Variants in FBN3 observed in about 807,000 individuals in gnomAD.
FBN3 encodes the protein fibrillin-3.
FBN3 carries 234 observed loss-of-function variants against 330.1 expected under a neutral mutation model. The ratio of observed to expected loss-of-function variants is 0.71; its 90% CI spans 0.64 to 0.79. The LOEUF is 0.79. FBN3 is among the 30% of genes least tolerant of loss of function. The probability of loss-of-function intolerance (pLI) is 0.00; values close to 1 mark genes in which losing one functional copy is unlikely to be tolerated. For missense variants in FBN3, 3,606 were observed against 3,886.9 expected, an observed-to-expected ratio of 0.93 and a Z score of 1.92; for synonymous variants, 1,458 against 1,517.3, an observed-to-expected ratio of 0.96 and a Z score of 0.91.
At chr19:8,124,180 G>A (rs1309128209) in intron 22 of FBN3, among the ~76,000 whole-genome samples, 172 bp from the exon 23 acceptor site, 1 of 152,184 alleles carries the variant, frequency 6.6e-6, no homozygotes, top group Non-Finnish European at 1.5e-5. Context: ...GGTACTATGT[G>A]TACTGTTCTG....
chr19:8,134,233 C>T (rs1471990969), intron 13 of FBN3, among the ~76,000 whole-genome samples: 1 of 141,232 alleles, frequency 7.1e-6, no homozygotes, highest in Non-Finnish European at 1.5e-5. Context: ...CAGAGTGAGA[C>T]TCCATCTCAA....
chr19:8,084,566 A>G (rs1231616390), intron 56 of FBN3, among the ~76,000 whole-genome samples: 1 of 151,886 alleles, frequency 6.6e-6, no homozygotes, highest in East Asian at 1.9e-4. Context: ...GGGTCTGTTA[A>G]GGCCCTCTTG....
rs1599257002 is a variant in FBN3 at position 8,071,946 on chromosome 19, C to T, written c.8088+102G>A. 3.5e-5 allele frequency: 42 copies of T among 1,203,190 alleles called. No homozygotes were observed. The South Asian group carries it at 5.9e-4, about 17-fold the overall frequency. The allele number at this position is 1,203,190 out of a possible 1,614,324, so 74.5% of individuals were successfully genotyped here. A position where few individuals can be genotyped will look rare whatever the true frequency, so the allele number is the denominator to read the frequency against. On this transcript the variant is annotated intron_variant, in intron 63 of 63. Transcript: ENST00000600128. ...ACCTGTTGGGATCTGGAGCCTGGTG[C>T]TCCTTCTTGGGGGGGCTGACATGAC...
intron 33 of FBN3, 43 bp downstream of exon 33, chr19:8,111,015 G>T (rs368667219): frequency 2.9e-5 from 46 of 1,613,832 alleles, no homozygotes; most frequent in East Asian, 1.1e-4. Flanking sequence ...CTGCAGGGGG[G>T]ACCTACCCAC....
At chr19:8,091,656 C>A in intron 47 of FBN3, 66 bp from the exon 48 acceptor site, 2 of 1,573,682 alleles carry the variant, frequency 1.3e-6, no homozygotes, top group African/African-American at 1.3e-5. Context: ...GGAGAGGACT[C>A]AGCTGTGAGA....
intron 61 of FBN3, among the ~76,000 whole-genome samples, chr19:8,073,779 A>G (rs113647357): frequency 0.034 from 5,122 of 152,260 alleles, 132 homozygotes; most frequent in Middle Eastern, 0.065. Context: ...TCCTGGGCTC[A>G]AGGGATCCTC....
chr19:8,138,562 A>G lies in FBN3; in HGVS notation c.868T>C (p.Tyr290His). Residue 290 changes from tyrosine (Y) to histidine (H), a missense_variant and splice_region_variant, in exon 9 of 64, where the codon TAC (tyrosine) becomes CAC (histidine). Transcript: ENST00000600128. ...ACTGAGAAGCAGGCGCCGGCCCGGT[A>G]GTCTGCAAAAGATCAGAGGGTGAGC... ...LSDSSAACED[Y>H]RAGACFSVLF... 2.5e-6 allele frequency: 4 copies of G among 1,605,154 alleles called. No homozygotes were observed. Among genetic ancestry groups the G allele is most frequent in the Non-Finnish European group, 3.4e-6 (4 of 1,177,304 alleles).
At chr19:8,106,329 C>A in intron 37 of FBN3, 96 bp from the exon 38 acceptor site, 2 of 1,325,406 alleles carry the variant, frequency 1.5e-6, no homozygotes, top group South Asian at 1.3e-5. Context: ...AGGGCCCTCT[C>A]GAGGATCCCC....
chr19:8,078,300 A>G (rs2081690947), intron 59 of FBN3, among the ~76,000 whole-genome samples: 1 of 152,178 alleles, frequency 6.6e-6, no homozygotes, highest in South Asian at 2.1e-4. Flanking sequence ...TCATTTACGT[A>G]TCTCTCCAGC....
chr19:8,138,233 C>T lies in FBN3; in HGVS notation c.1109G>A (p.Gly370Asp). ...FPGLLGFGSNGMGPPLGPARL... is the reference protein window; with the variant it reads ...FPGLLGFGSNDMGPPLGPARL... ...CGCTGGCCCAAGAGGGGGACCCATGCCATTGGATCCGAAGCCCAGGAGGCC... is the reference window on the plus strand; with the variant it reads ...CGCTGGCCCAAGAGGGGGACCCATGTCATTGGATCCGAAGCCCAGGAGGCC... The change falls in exon 10 of 64, where the codon GGC becomes GAC. Residue 370 changes from glycine (G) to aspartate (D), a missense_variant. Gly to Asp is a moderately conservative substitution (Grantham distance 94). Transcript: ENST00000600128. 6.2e-7 allele frequency: 1 copy of T among 1,611,792 alleles called. No individual in the cohort carries two copies. Among genetic ancestry groups the T allele is most frequent in the Non-Finnish European group, 8.5e-7 (1 of 1,179,364 alleles).
At chr19:8,079,957 A>T (rs2081736959) in intron 59 of FBN3, among the ~76,000 whole-genome samples, 1 of 151,882 alleles carries the variant, frequency 6.6e-6, no homozygotes. Flanking sequence ...GGAAAGTTCC[A>T]TGATGGAAGA....
At position 8,072,070 on chromosome 19, in the gene FBN3, C is replaced by A; in HGVS notation, c.8066G>T (p.Arg2689Leu). The stretch of plus-strand genomic sequence containing the variant: ...CACCTGGTGGTCCCTGTGGGCACTG[C>A]GTCGTGGCCGGTCCCGAGGGGAGAG... Reference protein sequence around the residue: ...NGLSPRDRPRRSAHRDHQVNL... With the variant: ...NGLSPRDRPRLSAHRDHQVNL... The change falls in exon 63 of 64, where the codon CGC (arginine) becomes CTC (leucine). Residue 2689 changes from arginine to leucine, a missense_variant. Physicochemically the swap from Arg to Leu is moderately radical, Grantham distance 102 (BLOSUM62 -2). Transcript: ENST00000600128. 1 of 1,612,224 alleles carries A rather than the reference C, an allele frequency of 6.2e-7. No individual in the cohort carries two copies. The highest frequency in any genetic ancestry group is 8.5e-7 in the Non-Finnish European group (1 of 1,179,694).
rs540172846 is a variant in FBN3, at chr19:8,142,122, G to C, written c.557C>G (p.Pro186Arg). 32 of 1,609,736 alleles carry C rather than the reference G, an allele frequency of 2.0e-5. 1 individual carries two copies. In the Admixed American group the frequency reaches 5.0e-4, roughly 25 times the overall value. The part of the protein sequence containing the change: ...PQCERDYRTG[P>R]CFGQVGPEGC... ...CTCGGGGCCTACTTGGCCAAAGCAG[G>C]GTCCCGTCCGGTAATCTGCAGGGCA... is the stretch of plus-strand genomic sequence containing the variant. The change falls in exon 7 of 64, where the codon CCC (proline) becomes CGC (arginine). Residue 186 changes from proline to arginine, a missense_variant. Physicochemically the swap from Pro to Arg is moderately radical, Grantham distance 103. Transcript: ENST00000600128.
At chr19:8,110,637 G>T (rs538044513) in intron 34 of FBN3, among the ~76,000 whole-genome samples, 1 of 152,300 alleles carries the variant, frequency 6.6e-6, no homozygotes, top group African/African-American at 2.4e-5. Flanking sequence ...AGCTAGCGTG[G>T]AGGGGCCACT....
At chr19:8,132,680 TG>T (rs1737534945) in intron 14 of FBN3, among the ~76,000 whole-genome samples, 1 of 151,804 alleles carries the variant, frequency 6.6e-6, no homozygotes, top group Non-Finnish European at 1.5e-5. Context: ...TTAGTAGAGA[TG>T]GGGTTTCACC....
In FBN3 at chr19:8,126,471, T is replaced by C. The variant is rs764196044; in HGVS notation, c.2551A>G (p.Ile851Val). 1.2e-6 allele frequency: 2 copies of C among 1,611,846 alleles called. No individual in the cohort carries two copies. Among genetic ancestry groups the C allele is most frequent in the Admixed American group, 3.4e-5 (2 of 59,666 alleles). Reference protein sequence around the residue: ...AWGSPCERCEIDPACARGFAR... With the variant: ...AWGSPCERCEVDPACARGFAR... ...GAGGCCTCAAGGAGGATACTACCGA[T>C]CTCGCAGCGTTCGCAGGGGCTCCCC... The change falls in exon 20 of 64, where the codon ATC (isoleucine) becomes GTC (valine). Residue 851 changes from isoleucine to valine, a missense_variant. Physicochemically the swap from Ile to Val is conservative, Grantham distance 29 (BLOSUM62 3). Transcript: ENST00000600128.
chr19:8,108,280 C>A (rs1192071037), intron 36 of FBN3, 42 bp from the exon 37 acceptor site: 2 of 1,537,162 alleles, frequency 1.3e-6, no homozygotes, highest in African/African-American at 1.4e-5. Context: ...GGTATTGGGG[C>A]AAAGCTTAGG....
At chr19:8,145,058 T>TC (rs1258573307) in intron 5 of FBN3, 86 bp from the exon 6 acceptor site, 1 of 1,169,298 alleles carries the variant, frequency 8.6e-7, no homozygotes, top group Non-Finnish European at 1.2e-6. Flanking sequence ...CACCCAGGAA[T>TC]CCCCAGGATC....
intron 10 of FBN3, among the ~76,000 whole-genome samples, chr19:8,136,808 C>T (rs1226133515): frequency 6.7e-6 from 1 of 148,920 alleles, no homozygotes; most frequent in Non-Finnish European, 1.5e-5. Flanking sequence ...TGGATCCCTC[C>T]AACCTGGGGT....
Sources: allele counts gnomAD v4.1 joint callset (sites outside exome capture counted in the v4.1 genomes callset), GRCh38; gene constraint gnomAD v4.1.1; transcripts MANE v1.5; gene names NCBI Gene and HGNC (gene_info 2026-07-23, HGNC 2026-07-21).